Variants in ARHGAP10 observed in about 807,000 individuals in gnomAD.
The protein encoded by ARHGAP10 is Rho GTPase activating protein 10.
A neutral mutation model predicts 108.6 loss-of-function variants in ARHGAP10; 87 were observed. That is an observed-to-expected ratio of 0.80 (90% CI 0.67 to 0.96). ARHGAP10 has a LOEUF of 0.96. Ranked by LOEUF, ARHGAP10 falls within the 40% of genes least tolerant of loss-of-function variation. The probability of loss-of-function intolerance (pLI) is 0.00; values close to 1 mark genes in which losing one functional copy is unlikely to be tolerated. For missense variants in ARHGAP10, 939 were observed against 954.5 expected (o/e 0.98, Z 0.21); for synonymous variants, 347 against 341.1 (o/e 1.02, Z -0.19).
At chr4:147,758,837 G>A (rs1025277509) in intron 1 of ARHGAP10, among the ~76,000 whole-genome samples, 3 of 151,816 alleles carry the variant, frequency 2.0e-5, no homozygotes, top group Non-Finnish European at 4.4e-5. Flanking sequence ...AAATTAGTTG[G>A]GGGTGGTGGT....
intron 8 of ARHGAP10, among the ~76,000 whole-genome samples, chr4:147,876,460 G>A (rs1198625751): frequency 2.0e-5 from 3 of 152,028 alleles, no homozygotes; most frequent in African/African-American, 7.2e-5. Flanking sequence ...GGGCGTAGTG[G>A]CGGGCACCTG....
chr4:147,854,223 C>T (rs1398911192), intron 4 of ARHGAP10, among the ~76,000 whole-genome samples: 2 of 152,134 alleles, frequency 1.3e-5, no homozygotes, highest in South Asian at 2.1e-4. Context: ...TTGGCTTCCT[C>T]GTGTTGTTAC....
intron 16 of ARHGAP10, among the ~76,000 whole-genome samples, chr4:147,959,639 T>C (rs1452858649): frequency 6.6e-6 from 1 of 152,178 alleles, no homozygotes; most frequent in Non-Finnish European, 1.5e-5. Flanking sequence ...GTCCTTGCGA[T>C]AGGTTGCTGA....
intron 18 of ARHGAP10, among the ~76,000 whole-genome samples, chr4:147,977,807 C>G (rs1440544898): frequency 3.9e-5 from 6 of 152,028 alleles, no homozygotes; most frequent in Non-Finnish European, 7.4e-5. Context: ...CTCTCTCTCT[C>G]CCCCTCCCCC....
At chr4:147,829,419 C>T (rs560299094) in intron 3 of ARHGAP10, among the ~76,000 whole-genome samples, 1 of 151,852 alleles carries the variant, frequency 6.6e-6, no homozygotes, top group Admixed American at 6.6e-5. Context: ...AAACTCCTGA[C>T]CTCGGGTGAT....
intron 1 of ARHGAP10, among the ~76,000 whole-genome samples, chr4:147,800,304 C>T (rs59535925): frequency 6.6e-6 from 1 of 152,080 alleles, no homozygotes; most frequent in East Asian, 1.9e-4. Flanking sequence ...ATCTCTCTAC[C>T]TGTGCCCCAC....
chr4:147,768,522 G>A (rs72953496), intron 1 of ARHGAP10, among the ~76,000 whole-genome samples: 1,588 of 151,928 alleles, frequency 0.01, 22 homozygotes, highest in African/African-American at 0.035. Context: ...AGTAATTAAA[G>A]GTTGAGATTT....
At chr4:147,932,211 G>A (rs1354155172) in intron 13 of ARHGAP10, among the ~76,000 whole-genome samples, 1 of 152,190 alleles carries the variant, frequency 6.6e-6, no homozygotes, top group Non-Finnish European at 1.5e-5. Flanking sequence ...ATCGGTGGGA[G>A]TGTGAATTAG....
intron 1 of ARHGAP10, among the ~76,000 whole-genome samples, chr4:147,802,913 T>G (rs1731639747): frequency 6.6e-6 from 1 of 152,208 alleles, no homozygotes; most frequent in African/African-American, 2.4e-5. Flanking sequence ...GGAGAACTCC[T>G]TTGCTGTGTG....
intron 1 of ARHGAP10, among the ~76,000 whole-genome samples, chr4:147,789,799 A>G (rs1000190840): frequency 2.6e-5 from 4 of 152,170 alleles, no homozygotes; most frequent in Non-Finnish European, 4.4e-5. Flanking sequence ...GCAAAGCTTC[A>G]TCTGTAAAAC....
rs565256086 is a variant in ARHGAP10 at position 147,985,827 on chromosome 4, T to C, written c.1716+18988T>C. Reference sequence around the variant, plus strand: ...GCTCCAAGGCTGAAGAGAAACAAAGTGCTCTCCCTCGGCCTGGGTTGCGCG... The same window carrying C: ...GCTCCAAGGCTGAAGAGAAACAAAGCGCTCTCCCTCGGCCTGGGTTGCGCG... On this transcript the variant is annotated intron_variant, in intron 18 of 22. Coordinates refer to ENST00000336498, the MANE Select transcript of ARHGAP10 (RefSeq NM_024605.4). 8.5e-5 allele frequency among the ~76,000 whole-genome samples: 13 copies of C among 152,314 alleles called. 1 individual carries two copies. The highest frequency in any genetic ancestry group is 2.9e-4 in the African/African-American group (12 of 41,582).
chr4:147,928,690 C>T (rs985595536), intron 13 of ARHGAP10, among the ~76,000 whole-genome samples: 1 of 152,100 alleles, frequency 6.6e-6, no homozygotes, highest in African/African-American at 2.4e-5. Flanking sequence ...GAGTCATTCT[C>T]GTTAAATAAA....
chr4:147,768,975 T>G (rs1359875120), intron 1 of ARHGAP10, among the ~76,000 whole-genome samples: 1 of 152,120 alleles, frequency 6.6e-6, no homozygotes, highest in Non-Finnish European at 1.5e-5. Flanking sequence ...TGACTTCAAG[T>G]GATCTGCCTG....
intron 1 of ARHGAP10, among the ~76,000 whole-genome samples, chr4:147,745,637 G>A (rs959278908): frequency 1.3e-5 from 2 of 151,774 alleles, no homozygotes; most frequent in Admixed American, 6.6e-5. Context: ...GACTACAGGC[G>A]CCCACAACCA....
chr4:147,977,804 TCTCCCC>T (rs1475687132), intron 18 of ARHGAP10, among the ~76,000 whole-genome samples: 1 of 152,038 alleles, frequency 6.6e-6, no homozygotes, highest in Admixed American at 6.6e-5. Context: ...TTTCTCTCTC[TCTCCCC>T]CTCCCCCTCC....
intron 12 of ARHGAP10, among the ~76,000 whole-genome samples, chr4:147,911,597 C>T (rs551410905): frequency 4.0e-5 from 6 of 151,830 alleles, no homozygotes; most frequent in South Asian, 2.1e-4. Flanking sequence ...CTCCTGACTT[C>T]GTGATCCGCC....
intron 15 of ARHGAP10, 49 bp downstream of exon 15, chr4:147,946,753 T>TA (rs772773939): frequency 7.0e-7 from 1 of 1,427,934 alleles, no homozygotes; most frequent in Admixed American, 2.2e-5. Flanking sequence ...TTTGGATCTG[T>TA]AACATAAAAC....
intron 7 of ARHGAP10, among the ~76,000 whole-genome samples, chr4:147,874,026 T>TAA (rs150106292): frequency 6.6e-6 from 1 of 150,412 alleles, no homozygotes; most frequent in Non-Finnish European, 1.5e-5. Flanking sequence ...AGTTTGTGTT[T>TAA]AAAAAAAAAC....
At position 147,881,956 on chromosome 4, in the gene ARHGAP10, A is replaced by G. The variant is rs115776553; in HGVS notation, c.1034+24A>G. 1,441 of 1,598,122 alleles carry G rather than the reference A, an allele frequency of 9.0e-4. 9 individuals carry two copies. The African/African-American group carries it at 0.017, about 19-fold the overall frequency. On this transcript the variant is annotated intron_variant, in intron 10 of 22. Transcript: ENST00000336498. ...CGGTAAGTTATTGGAATTATTGGAC[A>G]TGGTGAAAGAGTCGTTTTAAAAAAA...
Sources: allele counts gnomAD v4.1 joint callset (sites outside exome capture counted in the v4.1 genomes callset), GRCh38; gene constraint gnomAD v4.1.1; transcripts MANE v1.5; gene names NCBI Gene and HGNC (gene_info 2026-07-23, HGNC 2026-07-21).